The following VCL variants were observed in gnomAD, a reference collection of about 807,000 sequenced individuals.
VCL encodes epididymis luminal protein 114.
In VCL, 47 loss-of-function variants were observed where a neutral mutation model predicts 125.7. The ratio of observed to expected loss-of-function variants is 0.37; its 90% confidence interval spans 0.30 to 0.48. The LOEUF (loss-of-function observed/expected upper bound fraction) is 0.48. Among genes scored for constraint, VCL ranks in the 20% least tolerant of loss-of-function variants. The pLI is 0.99. For missense variants in VCL, 1,069 were observed against 1,455.5 expected (o/e 0.73, Z 4.32); for synonymous variants, 458 against 514.6 (o/e 0.89, Z 1.49).
intron 1 of VCL, among the ~76,000 whole-genome samples, chr10:74,021,251 A>T (rs1414739521): frequency 6.6e-6 from 1 of 152,092 alleles, no homozygotes; most frequent in African/African-American, 2.4e-5. Flanking sequence ...GTTATCATGA[A>T]TTAGAACTAA....
At chr10:74,086,098 C>T (rs922275088) in intron 8 of VCL, among the ~76,000 whole-genome samples, 2 of 152,150 alleles carry the variant, frequency 1.3e-5, no homozygotes, top group South Asian at 4.1e-4. Flanking sequence ...AACTCCTGAC[C>T]TCAGGTGATC....
Position 74,118,031 on chromosome 10 carries a change from G to T in VCL, c.3267G>T (p.Glu1089Asp). 1.2e-6 allele frequency: 2 copies of T among 1,614,158 alleles called. No homozygotes were observed. The highest frequency in any genetic ancestry group is 1.7e-6 in the Non-Finnish European group (2 of 1,180,032). Reference sequence around the variant, plus strand: ...TACCTTTTTCCTTGCAGGCCACAGAGATGCTGGTTCACAATGCCCAGAACC... The same window carrying T: ...TACCTTTTTCCTTGCAGGCCACAGATATGCTGGTTCACAATGCCCAGAACC... ...ISDEESEQATEMLVHNAQNLM... is the reference protein window; with the variant it reads ...ISDEESEQATDMLVHNAQNLM... Residue 1089 changes from glutamate (E) to aspartate (D), a missense_variant, in exon 22 of 22, where the codon GAG becomes GAT. Around this residue, in one of 6 missense-constraint regions of VCL, gnomAD observed 91 missense variants for 203.9 expected, o/e 0.45. Coordinates refer to ENST00000211998, the MANE Select transcript of VCL (RefSeq NM_014000.3).
At chr10:74,017,713 G>A (rs1394556753) in intron 1 of VCL, among the ~76,000 whole-genome samples, 2 of 137,832 alleles carry the variant, frequency 1.5e-5, no homozygotes, top group Non-Finnish European at 3.4e-5. Flanking sequence ...ATGCCACCAT[G>A]TCTGGCTAAT....
At chr10:74,090,354 A>T (rs71535719) in intron 10 of VCL, among the ~76,000 whole-genome samples, 156 bp downstream of exon 10, 39 of 152,106 alleles carry the variant, frequency 2.6e-4, no homozygotes, top group Non-Finnish European at 5.1e-4. Flanking sequence ...TATTCTCATT[A>T]ATTCTAGGTC....
chr10:74,103,914 T>C lies in VCL; in HGVS notation c.2117T>C (p.Val706Ala). ...ETMKNQWIDN[V>A]EKMTGLVDEA... ...ATGAAGAACCAGTGGATCGATAATG[T>C]TGAAAAAATGACAGGTAGAGTTTTC... is the stretch of plus-strand genomic sequence containing the variant. Residue 706 changes from valine to alanine, a missense_variant, in exon 15 of 22, where the codon GTT becomes GCT. Val to Ala is a moderately conservative substitution (Grantham distance 64). Coordinates refer to ENST00000211998, the MANE Select transcript of VCL (RefSeq NM_014000.3). 2 of 1,614,068 alleles carry C rather than the reference T, an allele frequency of 1.2e-6. No individual in the cohort carries two copies. The highest frequency in any genetic ancestry group is 1.1e-5 in the South Asian group (1 of 91,080).
intron 1 of VCL, among the ~76,000 whole-genome samples, chr10:74,038,498 G>A (rs983333115): frequency 6.6e-6 from 1 of 152,166 alleles, no homozygotes; most frequent in Admixed American, 6.5e-5. Context: ...AGTGCCGTTC[G>A]TTGTCCCTAA....
chr10:74,116,013 A>T (rs1840305782), intron 21 of VCL, among the ~76,000 whole-genome samples: 1 of 152,184 alleles, frequency 6.6e-6, no homozygotes, highest in South Asian at 2.1e-4. Flanking sequence ...TGGGGTACAT[A>T]GTTTTGTTGG....
At chr10:74,011,670 C>T (rs932862235) in intron 1 of VCL, among the ~76,000 whole-genome samples, 9 of 152,024 alleles carry the variant, frequency 5.9e-5, no homozygotes, top group Admixed American at 2.6e-4. Context: ...CTTTTCCTGC[C>T]CTCAAATGTT....
At chr10:74,017,318 A>G (rs1327472450) in intron 1 of VCL, among the ~76,000 whole-genome samples, 1 of 151,994 alleles carries the variant, frequency 6.6e-6, no homozygotes, top group Non-Finnish European at 1.5e-5. Context: ...AAGTGCTGGG[A>G]TTACAGGCGT....
intron 1 of VCL, among the ~76,000 whole-genome samples, chr10:74,009,760 T>C (rs901736216): frequency 3.3e-5 from 5 of 149,982 alleles, no homozygotes; most frequent in African/African-American, 4.9e-5. Context: ...CAGGCATGCG[T>C]CACCACACCT....
chr10:74,081,181 A>T (rs1270457503), intron 6 of VCL, among the ~76,000 whole-genome samples: 1 of 152,072 alleles, frequency 6.6e-6, no homozygotes, highest in African/African-American at 2.4e-5. Flanking sequence ...AGAATTTGCT[A>T]TTTAGAGCCT....
chr10:74,015,677 TTTTC>T (rs1162438504), intron 1 of VCL, among the ~76,000 whole-genome samples: 1 of 152,076 alleles, frequency 6.6e-6, no homozygotes, highest in Non-Finnish European at 1.5e-5. Context: ...CTTTTCCTTT[TTTTC>T]TTTCTTTTTC....
chr10:74,109,235 G>T (rs1305161874), intron 18 of VCL, 79 bp downstream of exon 18: 2 of 1,564,404 alleles, frequency 1.3e-6, no homozygotes, highest in African/African-American at 2.7e-5. Context: ...CCAGAAAGAA[G>T]AGTCTATTTG....
intron 14 of VCL, among the ~76,000 whole-genome samples, chr10:74,103,467 A>T (rs1840089791): frequency 6.6e-6 from 1 of 152,184 alleles, no homozygotes; most frequent in Non-Finnish European, 1.5e-5. Context: ...AGTTTTGAGT[A>T]CTTTTCGGTA....
intron 1 of VCL, among the ~76,000 whole-genome samples, chr10:74,021,606 AC>A (rs1390756838): frequency 6.6e-6 from 1 of 152,236 alleles, no homozygotes; most frequent in Non-Finnish European, 1.5e-5. Flanking sequence ...CATGATTGCC[AC>A]ATTTCAACTG....
At chr10:74,047,557 G>A (rs939480768) in intron 2 of VCL, among the ~76,000 whole-genome samples, 4 of 152,098 alleles carry the variant, frequency 2.6e-5, no homozygotes, top group Admixed American at 1.3e-4. Flanking sequence ...CTTTTGCAAG[G>A]ACTTCTCAAG....
chr10:74,094,223 T>C, intron 10 of VCL, 48 bp from the exon 11 acceptor site: 2 of 1,610,266 alleles, frequency 1.2e-6, no homozygotes. Context: ...GTGATCTCAA[T>C]GTAAATAGTG....
intron 14 of VCL, among the ~76,000 whole-genome samples, chr10:74,102,518 A>G (rs1840076728): frequency 6.6e-6 from 1 of 152,188 alleles, no homozygotes; most frequent in South Asian, 2.1e-4. Context: ...GATACATTCG[A>G]AACTATGCTA....
At chr10:74,109,822 G>A (rs1840192665) in intron 18 of VCL, among the ~76,000 whole-genome samples, 1 of 152,064 alleles carries the variant, frequency 6.6e-6, no homozygotes, top group South Asian at 2.1e-4. Flanking sequence ...CTAGATAAGA[G>A]GAATATTATT....
Sources: allele counts gnomAD v4.1 joint callset (sites outside exome capture counted in the v4.1 genomes callset), GRCh38; gene constraint gnomAD v4.1.1; regional missense constraint gnomAD v4.1.1; transcripts MANE v1.5; gene names NCBI Gene and HGNC (gene_info 2026-07-23, HGNC 2026-07-21).